ARID4B: variants seen among roughly 807,000 people sequenced by gnomAD.
The protein encoded by ARID4B is AT-rich interactive domain-containing protein 4B.
ARID4B carries 26 observed loss-of-function variants against 147.5 expected under a neutral mutation model. The observed-to-expected ratio is 0.18, with a 90% CI of 0.13 to 0.24. The LOEUF (loss-of-function observed/expected upper bound fraction) is 0.24. Ranked by LOEUF, ARID4B falls within the 10% of genes least tolerant of loss-of-function variation. The probability of loss-of-function intolerance (pLI) is 1.00; values close to 1 mark genes in which losing one functional copy is unlikely to be tolerated. For missense variants in ARID4B, 1,179 were observed against 1,511.5 expected (o/e 0.78, Z 3.65); for synonymous variants, 512 against 507.9 (o/e 1.01, Z -0.11).
intron 19 of ARID4B, among the ~76,000 whole-genome samples, chr1:235,189,790 T>C (rs72756054): frequency 0.039 from 5,939 of 151,564 alleles, 155 homozygotes; most frequent in Non-Finnish European, 0.059. Flanking sequence ...CCTGTAATCC[T>C]AGCACTTTGG....
At chr1:235,246,316 G>T in intron 7 of ARID4B, 104 bp downstream of exon 7, 2 of 881,740 alleles carry the variant, frequency 2.3e-6, no homozygotes, top group South Asian at 1.6e-5. Flanking sequence ...ATTACTATTA[G>T]ATCTGGTTAG....
rs1320172045 is a variant in ARID4B, at chr1:235,221,760, T to C, written c.1066-98A>G. ...ATATATGAGTATATTTTTATATTTA[T>C]TGGTCCTAGACTCAAAAGAATTTTT... On this transcript the variant is annotated intron_variant, in intron 13 of 23. Coordinates refer to ENST00000264183, the MANE Select transcript of ARID4B (RefSeq NM_016374.6). 6 of 530,148 alleles carry C rather than the reference T, an allele frequency of 1.1e-5. No homozygotes were observed. In the East Asian group the frequency reaches 1.2e-4, roughly 11 times the overall value. The allele number at this position is 530,148 out of a possible 1,614,324, so 32.8% of individuals were successfully genotyped here.
At position 235,262,196 on chromosome 1, in the gene ARID4B, A is replaced by G. The variant is rs138773751; in HGVS notation, c.7-1444T>C. Among the ~76,000 whole-genome samples, 670 of 152,326 alleles carry G rather than the reference A, an allele frequency of 4.4e-3. 5 individuals carry two copies. The highest frequency in any genetic ancestry group is 0.015 in the African/African-American group (642 of 41,576). Reference sequence around the variant, plus strand: ...TAGATTTTAAAATAAATTCTCCCCTAAAAGTTGTAGCTATCATACAGAGTA... The same window carrying G: ...TAGATTTTAAAATAAATTCTCCCCTGAAAGTTGTAGCTATCATACAGAGTA... On this transcript the variant is annotated intron_variant, in intron 2 of 23. Coordinates refer to ENST00000264183, the MANE Select transcript of ARID4B (RefSeq NM_016374.6).
At chr1:235,304,202 G>C (rs183980405) in intron 2 of ARID4B, among the ~76,000 whole-genome samples, 13 of 152,060 alleles carry the variant, frequency 8.5e-5, no homozygotes, top group Non-Finnish European at 1.3e-4. Flanking sequence ...CAAAAAACTT[G>C]CCAGGCGTGG....
rs564959365 is a variant in ARID4B, at chr1:235,251,830, T to A, written c.354+900A>T. Among the ~76,000 whole-genome samples, 237 of 152,286 alleles carry A rather than the reference T, an allele frequency of 1.6e-3. 1 individual carries two copies. Among genetic ancestry groups the A allele is most frequent in the Non-Finnish European group, 3.0e-3 (202 of 67,992 alleles). On this transcript the variant is annotated intron_variant, in intron 6 of 23. Coordinates refer to ENST00000264183, the MANE Select transcript of ARID4B (RefSeq NM_016374.6). ...GAACGTAACACCATTTAGAGCAACA[T>A]CTACCTTTTAAATTCTGAATTGCAA...
At chr1:235,320,592 C>T (rs554319392) in intron 2 of ARID4B, among the ~76,000 whole-genome samples, 18 of 152,288 alleles carry the variant, frequency 1.2e-4, no homozygotes, top group African/African-American at 4.1e-4. Flanking sequence ...CATCACTTCA[C>T]TCAACACCCT....
At chr1:235,230,594 T>TAAAAAAAAAAAAAAAAAAAAAAA (rs1175996354) in intron 10 of ARID4B, among the ~76,000 whole-genome samples, 2 of 58,412 alleles carry the variant, frequency 3.4e-5, no homozygotes, top group African/African-American at 1.3e-4. Context: ...GACTATAAGC[T>TAAAAAAAAAAAAAAAAAAAAAAA]AAAAAAAAAA....
rs1675295165 is a variant in ARID4B, at chr1:235,326,712, T to C, written c.6+202A>G. 7 of 614,960 alleles carry C rather than the reference T, an allele frequency of 1.1e-5. 1 individual carries two copies. The highest frequency in any genetic ancestry group is 9.3e-5 in the South Asian group (5 of 53,804). The allele number at this position is 614,960 out of a possible 1,614,324, so 38.1% of individuals were successfully genotyped here. A position where few individuals can be genotyped will look rare whatever the true frequency, so the allele number is the denominator to read the frequency against. ...TTCAATATGGGAGAATCATCTTCAG[T>C]TGAGACATCCTATAACTGCCTCCAA... On this transcript the variant is annotated intron_variant, in intron 2 of 23. Coordinates refer to ENST00000264183, the MANE Select transcript of ARID4B (RefSeq NM_016374.6).
In ARID4B at chr1:235,175,267, C is replaced by T. The variant is rs749832844; in HGVS notation, c.3581G>A (p.Cys1194Tyr). 1.2e-6 allele frequency: 2 copies of T among 1,614,184 alleles called. No individual in the cohort carries two copies. The highest frequency in any genetic ancestry group is 2.2e-5 in the South Asian group (2 of 91,082). ...AGGATCCTTATCACCATTCTTTCCACATTTTCCTGGAGACTGCGTCCTTGC... is the reference window on the plus strand; with the variant it reads ...AGGATCCTTATCACCATTCTTTCCATATTTTCCTGGAGACTGCGTCCTTGC... ...SPARTQSPGK[C>Y]GKNGDKDPDL... The change falls in exon 22 of 24, where the codon TGT becomes TAT. Residue 1194 changes from cysteine (C) to tyrosine (Y), a missense_variant. Cys to Tyr is a radical substitution (Grantham distance 194, BLOSUM62 -2). Around this residue, in one of 10 missense-constraint regions of ARID4B, gnomAD observed 357 missense variants for 427.3 expected, o/e 0.84. Coordinates refer to ENST00000264183, the MANE Select transcript of ARID4B (RefSeq NM_016374.6).
At chr1:235,264,395 T>C (rs1217785945) in intron 2 of ARID4B, among the ~76,000 whole-genome samples, 1 of 152,144 alleles carries the variant, frequency 6.6e-6, no homozygotes, top group Non-Finnish European at 1.5e-5. Flanking sequence ...GTGGTCAGAT[T>C]TGAGTATGTA....
At chr1:235,319,024 C>CG (rs1265163423) in intron 2 of ARID4B, among the ~76,000 whole-genome samples, 2 of 151,952 alleles carry the variant, frequency 1.3e-5, no homozygotes, top group Non-Finnish European at 1.5e-5. Context: ...GGATAAGTAA[C>CG]GTGCCTGAAG....
intron 2 of ARID4B, among the ~76,000 whole-genome samples, chr1:235,319,946 G>A (rs1434389527): frequency 1.3e-5 from 2 of 152,054 alleles, no homozygotes; most frequent in African/African-American, 2.4e-5. Context: ...GGCCAACATG[G>A]TGAAACCCCG....
At chr1:235,238,854 C>A (rs61836149) in intron 8 of ARID4B, among the ~76,000 whole-genome samples, 1 of 140,040 alleles carries the variant, frequency 7.1e-6, no homozygotes, top group African/African-American at 2.9e-5. Flanking sequence ...GCCTCTGTCT[C>A]CGGGGAAAAA....
intron 7 of ARID4B, among the ~76,000 whole-genome samples, chr1:235,242,074 C>T (rs1161914906): frequency 3.3e-5 from 5 of 151,796 alleles, no homozygotes; most frequent in African/African-American, 9.7e-5. Flanking sequence ...ATGGTGAAAC[C>T]TCGTCTCTAC....
chr1:235,258,315 G>T (rs12727616), intron 3 of ARID4B, among the ~76,000 whole-genome samples: 1 of 151,950 alleles, frequency 6.6e-6, no homozygotes, highest in South Asian at 2.1e-4. Flanking sequence ...CTGGGGGACA[G>T]GGCAAGACTC....
At chr1:235,321,591 C>T (rs570392520) in intron 2 of ARID4B, among the ~76,000 whole-genome samples, 4 of 152,164 alleles carry the variant, frequency 2.6e-5, no homozygotes, top group African/African-American at 4.8e-5. Context: ...CTGCAAGCTC[C>T]GCCTCCCAGG....
intron 2 of ARID4B, among the ~76,000 whole-genome samples, chr1:235,298,754 A>C (rs1258382314): frequency 6.6e-6 from 1 of 152,102 alleles, no homozygotes; most frequent in Non-Finnish European, 1.5e-5. Context: ...AGAACTCCAT[A>C]TCTCTTTCAT....
Position 235,235,951 on chromosome 1 carries a change from T to C in ARID4B, c.586-1459A>G, listed in dbSNP as rs574543795. 2.2e-4 allele frequency among the ~76,000 whole-genome samples: 33 copies of C among 151,656 alleles called. No homozygotes were observed. In the South Asian group the frequency reaches 6.0e-3, roughly 28 times the overall value. The stretch of plus-strand genomic sequence containing the variant: ...TTGTTTCCTTTTTCTTTTTCTTTTT[T>C]TTTTTTTGAGACAAGGTCTCACTCT... On this transcript the variant is annotated intron_variant, in intron 8 of 23. Transcript: ENST00000264183.
chr1:235,246,369 A>T, intron 7 of ARID4B, 51 bp downstream of exon 7: 2 of 1,370,376 alleles, frequency 1.5e-6, no homozygotes, highest in Non-Finnish European at 2.1e-6. Context: ...AAACAATACT[A>T]GAAGGAGAAA....
Sources: gnomAD v4.1 joint callset for allele counts (sites outside exome capture counted in the v4.1 genomes callset) on GRCh38, gnomAD v4.1.1 for gene constraint, gnomAD v4.1.1 regional missense constraint, MANE v1.5 for transcripts, NCBI Gene and HGNC (gene_info 2026-07-23, HGNC 2026-07-21) for gene names.